CNTNAP2: variants seen among roughly 807,000 people sequenced by gnomAD.
The protein encoded by CNTNAP2 is contactin-associated protein-like 2.
In CNTNAP2, 98 loss-of-function variants were observed where a neutral mutation model predicts 155.2. The ratio of observed to expected loss-of-function variants is 0.63; its 90% CI spans 0.54 to 0.75. The LOEUF is 0.75. CNTNAP2 is among the 30% of genes least tolerant of loss of function. The pLI, the probability that CNTNAP2 is intolerant of heterozygous loss-of-function variation, is 0.00. For missense variants in CNTNAP2, 1,727 were observed against 1,688.1 expected (o/e 1.02, Z -0.40); for synonymous variants, 651 against 631.2 (o/e 1.03, Z -0.47).
chr7:146,634,610 TAATG>T (rs763888821), intron 1 of CNTNAP2, among the ~76,000 whole-genome samples: 3 of 152,198 alleles, frequency 2.0e-5, no homozygotes, highest in Non-Finnish European at 4.4e-5. Flanking sequence ...ATGAATATGT[TAATG>T]AGAGAGTTAT....
intron 1 of CNTNAP2, among the ~76,000 whole-genome samples, chr7:146,497,803 T>C (rs1355690362): frequency 6.7e-6 from 1 of 148,944 alleles, no homozygotes; most frequent in East Asian, 1.9e-4. Flanking sequence ...TATAAACATA[T>C]ATATACATTA....
intron 13 of CNTNAP2, among the ~76,000 whole-genome samples, chr7:147,671,394 C>T (rs955722264): frequency 6.6e-6 from 1 of 152,162 alleles, no homozygotes; most frequent in Admixed American, 6.5e-5. Context: ...CTGCAGCTCT[C>T]AGAACAACGC....
chr7:148,200,472 G>A (rs1041898290), intron 18 of CNTNAP2, among the ~76,000 whole-genome samples: 5 of 150,862 alleles, frequency 3.3e-5, no homozygotes, highest in African/African-American at 1.2e-4. Flanking sequence ...ATGGCTCACT[G>A]GAGCTTCGAA....
chr7:147,429,154 A>G lies in CNTNAP2; in HGVS notation c.1670+33374A>G, dbSNP rs575780035. 1.0e-3 allele frequency among the ~76,000 whole-genome samples: 151 copies of G among 146,828 alleles called. 1 individual carries two copies. Among genetic ancestry groups the G allele is most frequent in the Admixed American group, 4.4e-3 (65 of 14,724 alleles). ...AGTATTCCATGGTGTGTGTTTGTGT[A>G]TATATATATATATATATACACCACA... On this transcript the variant is annotated intron_variant, in intron 10 of 23. Transcript: ENST00000361727.
At chr7:147,542,318 C>A (rs1799655614) in intron 11 of CNTNAP2, among the ~76,000 whole-genome samples, 1 of 148,626 alleles carries the variant, frequency 6.7e-6, no homozygotes, top group African/African-American at 2.5e-5. Flanking sequence ...AAAAAAGCTC[C>A]AAAAAAAAAG....
At chr7:147,403,497 T>G (rs1445391612) in intron 10 of CNTNAP2, among the ~76,000 whole-genome samples, 2 of 152,284 alleles carry the variant, frequency 1.3e-5, no homozygotes, top group African/African-American at 4.8e-5. Context: ...CAAATACTTC[T>G]TGAAGATCAC....
At chr7:147,364,945 T>G (rs1796202271) in intron 9 of CNTNAP2, among the ~76,000 whole-genome samples, 1 of 152,164 alleles carries the variant, frequency 6.6e-6, no homozygotes, top group Non-Finnish European at 1.5e-5. Flanking sequence ...ACAAAGAGTT[T>G]ATAAAAGAAT....
chr7:148,097,202 G>A (rs529570430), intron 15 of CNTNAP2, among the ~76,000 whole-genome samples: 1 of 152,146 alleles, frequency 6.6e-6, no homozygotes, highest in South Asian at 2.1e-4. Flanking sequence ...CAGGGCATTA[G>A]GAAGTTGAAC....
chr7:148,409,539 A>ATAG (rs1799779369), intron 23 of CNTNAP2, 68 bp downstream of exon 23: 2 of 1,395,430 alleles, frequency 1.4e-6, no homozygotes, highest in Non-Finnish European at 2.0e-6. Flanking sequence ...TGTCAATAAC[A>ATAG]TAGTAGTCTA....
chr7:147,915,221 T>TAAGG (rs1585026208), intron 14 of CNTNAP2, among the ~76,000 whole-genome samples: 2 of 152,312 alleles, frequency 1.3e-5, no homozygotes, highest in East Asian at 3.9e-4. Flanking sequence ...CTGGCCCCAA[T>TAAGG]ATTGGAAGGA....
intron 12 of CNTNAP2, among the ~76,000 whole-genome samples, chr7:147,635,418 C>T (rs1188214759): frequency 1.3e-5 from 2 of 151,854 alleles, no homozygotes; most frequent in African/African-American, 4.8e-5. Flanking sequence ...GCCACCACAC[C>T]CTGCCCAAGC....
At chr7:147,419,035 A>C (rs1177346756) in intron 10 of CNTNAP2, among the ~76,000 whole-genome samples, 17 of 152,222 alleles carry the variant, frequency 1.1e-4, no homozygotes, top group Admixed American at 1.1e-3. Flanking sequence ...CCTAAAAATA[A>C]AACCAATATA....
In CNTNAP2 at chr7:147,054,258, G is replaced by C. The variant is rs73467051; in HGVS notation, c.550+10204G>C. ...ATCCAGTAAGAAAAGTATCTCACTA[G>C]TACTGTGCATTCTACATGTCCAGCA... On this transcript the variant is annotated intron_variant, in intron 4 of 23. Transcript: ENST00000361727. Among the ~76,000 whole-genome samples the C allele has an allele frequency of 5.0e-3, 754 of 152,210 alleles. 6 individuals are homozygous for C. The highest frequency in any genetic ancestry group is 0.017 in the African/African-American group (711 of 41,552).
intron 1 of CNTNAP2, among the ~76,000 whole-genome samples, chr7:146,352,750 G>GTTGTTTT (rs1554421455): frequency 3.1e-5 from 2 of 64,338 alleles, no homozygotes; most frequent in African/African-American, 1.3e-4. Flanking sequence ...GCATAATTCT[G>GTTGTTTT]TTTTTTTTTT....
chr7:146,482,525 A>AT (rs1456963262), intron 1 of CNTNAP2, among the ~76,000 whole-genome samples: 1 of 151,976 alleles, frequency 6.6e-6, no homozygotes, highest in Non-Finnish European at 1.5e-5. Context: ...CTGGCGGATC[A>AT]TAAGGTTAAG....
At chr7:147,997,400 A>G (rs1241990961) in intron 15 of CNTNAP2, among the ~76,000 whole-genome samples, 1 of 151,924 alleles carries the variant, frequency 6.6e-6, no homozygotes, top group Admixed American at 6.6e-5. Context: ...TTTAAAAAAA[A>G]TACTGAATTA....
intron 1 of CNTNAP2, among the ~76,000 whole-genome samples, chr7:146,169,674 T>TG (rs1798361026): frequency 1.4e-5 from 2 of 138,034 alleles, no homozygotes; most frequent in Non-Finnish European, 3.2e-5. Flanking sequence ...TGCTGTGATA[T>TG]GATTTTTTTT....
At chr7:147,049,159 C>T (rs1021586332) in intron 4 of CNTNAP2, among the ~76,000 whole-genome samples, 8 of 152,190 alleles carry the variant, frequency 5.3e-5, no homozygotes, top group Non-Finnish European at 1.2e-4. Flanking sequence ...AGTCCCACCT[C>T]TCAACACTGT....
At chr7:148,276,414 A>G (rs1044758135) in intron 21 of CNTNAP2, among the ~76,000 whole-genome samples, 1 of 152,210 alleles carries the variant, frequency 6.6e-6, no homozygotes, top group African/African-American at 2.4e-5. Flanking sequence ...GAGTGTCCCA[A>G]CCAAGGCAGG....
Sources: gnomAD v4.1 joint callset for allele counts (sites outside exome capture counted in the v4.1 genomes callset) on GRCh38, gnomAD v4.1.1 for gene constraint, MANE v1.5 for transcripts, NCBI Gene and HGNC (gene_info 2026-07-23, HGNC 2026-07-21) for gene names.